RPTOR: variants seen among roughly 807,000 people sequenced by gnomAD.
RPTOR encodes the protein regulatory-associated protein of mTOR.
A neutral mutation model predicts 169.9 loss-of-function variants in RPTOR; 21 were observed. The observed-to-expected ratio is 0.12, with a 90% CI of 0.09 to 0.18. RPTOR has a LOEUF of 0.18. RPTOR is among the 10% of genes least tolerant of loss of function. The probability of loss-of-function intolerance (pLI) is 1.00; values close to 1 mark genes in which losing one functional copy is unlikely to be tolerated. For synonymous variants in RPTOR, 732 were observed against 753.2 expected, an observed-to-expected ratio of 0.97 and a Z score of 0.46; for missense variants, 1,133 against 1,855.9, an observed-to-expected ratio of 0.61 and a Z score of 7.16.
intron 26 of RPTOR, 145 bp downstream of exon 26, chr17:80,945,926 C>G: frequency 2.0e-6 from 1 of 488,720 alleles, no homozygotes; most frequent in Non-Finnish European, 3.5e-6. Flanking sequence ...TCCTGAGAAA[C>G]GGCCCTACTC....
At chr17:80,552,220 A>G (rs1274777663) in intron 1 of RPTOR, among the ~76,000 whole-genome samples, 1 of 152,198 alleles carries the variant, frequency 6.6e-6, no homozygotes, top group Non-Finnish European at 1.5e-5. Context: ...GGTGGTCTCC[A>G]TTGGCTTCCT....
At chr17:80,897,995 C>G (rs190542125) in intron 20 of RPTOR, among the ~76,000 whole-genome samples, 1 of 152,276 alleles carries the variant, frequency 6.6e-6, no homozygotes, top group East Asian at 1.9e-4. Context: ...TCCCTGTCCT[C>G]GGGGGCAATT....
chr17:80,693,022 A>G (rs2066005801), intron 3 of RPTOR, among the ~76,000 whole-genome samples: 3 of 152,224 alleles, frequency 2.0e-5, no homozygotes, highest in Admixed American at 2.0e-4. Flanking sequence ...TCTTTAGGGA[A>G]GTGCTGTATG....
At chr17:80,567,746 C>T (rs1014096490) in intron 1 of RPTOR, among the ~76,000 whole-genome samples, 1 of 151,124 alleles carries the variant, frequency 6.6e-6, no homozygotes, top group Non-Finnish European at 1.5e-5. Flanking sequence ...GAGCCGAGAT[C>T]GCGCCACTGC....
chr17:80,857,767 C>T, intron 12 of RPTOR, 23 bp from the exon 13 acceptor site: 1 of 1,579,244 alleles, frequency 6.3e-7, no homozygotes, highest in Non-Finnish European at 8.6e-7. Context: ...CACAGGTGCG[C>T]TGACGCCCTC....
At chr17:80,892,132 G>A (rs146908922) in intron 18 of RPTOR, among the ~76,000 whole-genome samples, 5 of 152,248 alleles carry the variant, frequency 3.3e-5, no homozygotes, top group East Asian at 1.9e-4. Context: ...GCGGAAAAGC[G>A]CAGGGGCCGT....
chr17:80,896,474 CAT>C (rs756993360), intron 20 of RPTOR, among the ~76,000 whole-genome samples: 2,991 of 122,532 alleles, frequency 0.024, 482 homozygotes, highest in African/African-American at 0.04. Context: ...CGCACCGACA[CAT>C]CCCACGGCCG....
Position 80,922,800 on chromosome 17 carries a change from A to G in RPTOR, c.2597A>G (p.Asn866Ser), listed in dbSNP as rs1367177424. 7.6e-6 allele frequency: 12 copies of G among 1,584,718 alleles called. No homozygotes were observed. In the Middle Eastern group the frequency reaches 5.0e-4, roughly 66 times the overall value. ...LTQSAPASPT[N>S]KGVHIHQAGG... is the part of the protein sequence containing the mutation. ...CAGTCGGCCCCCGCCAGCCCCACCA[A>G]CAAGGGCGTGCACATCCACCAGGCG... Residue 866 changes from asparagine (N) to serine (S), a missense_variant, in exon 22 of 34, where the codon AAC becomes AGC. This residue lies in a region of RPTOR where 123 missense variants were observed against 129.0 expected (regional missense o/e 0.95). Coordinates refer to ENST00000306801, the MANE Select transcript of RPTOR (RefSeq NM_020761.3).
At chr17:80,810,331 T>C (rs577798231) in intron 7 of RPTOR, among the ~76,000 whole-genome samples, 2 of 152,216 alleles carry the variant, frequency 1.3e-5, no homozygotes, top group African/African-American at 4.8e-5. Flanking sequence ...TTTTTTAATA[T>C]AGTCAAGAGT....
intron 13 of RPTOR, among the ~76,000 whole-genome samples, chr17:80,859,933 C>T (rs1020614990): frequency 2.6e-5 from 4 of 152,226 alleles, no homozygotes; most frequent in Non-Finnish European, 5.9e-5. Context: ...CACTGGGCCC[C>T]TGCGCCGGGT....
At chr17:80,634,598 G>GCA (rs2065482530) in intron 2 of RPTOR, among the ~76,000 whole-genome samples, 1 of 10,142 alleles carries the variant, frequency 9.9e-5, no homozygotes, top group Non-Finnish European at 2.0e-4. Context: ...CTGTGTGTGT[G>GCA]CGTACTGTGT....
intron 6 of RPTOR, among the ~76,000 whole-genome samples, chr17:80,777,249 G>GAAA (rs927325280): frequency 4.7e-5 from 7 of 149,534 alleles, no homozygotes; most frequent in African/African-American, 1.7e-4. Context: ...AAAAAAAAAA[G>GAAA]AAAAAAGAAA....
rs569383558 is a variant in RPTOR at position 80,837,037 on chromosome 17, C to T, written c.1137-885C>T. On this transcript the variant is annotated intron_variant, in intron 9 of 33. Transcript: ENST00000306801. ...AAGGGCTGTGGAAGCTGCAGCAGTG[C>T]GGCCCTGAAGGACGGGGTCGGGAGC... Among the ~76,000 whole-genome samples the T allele has an allele frequency of 4.6e-5, 7 of 152,198 alleles. No homozygotes were observed. In the South Asian group the frequency reaches 6.2e-4, roughly 14 times the overall value.
At position 80,959,896 on chromosome 17, in the gene RPTOR, C is replaced by T. The variant is rs569004817; in HGVS notation, c.3478-182C>T. ...ATTGTCCTGCCAGCCCCTGCCTCTC[C>T]CTGGGACTCCTGGGCTCCCCAGGCC... is the stretch of plus-strand genomic sequence containing the variant. On this transcript the variant is annotated intron_variant, in intron 29 of 33. Transcript: ENST00000306801. This position sits in a 1 kb window ranked among gnomAD's most constrained non-coding sequence, Gnocchi z 6.7. Among the ~76,000 whole-genome samples, 2 of 152,290 alleles carry T rather than the reference C, an allele frequency of 1.3e-5. No individual in the cohort carries two copies. Among genetic ancestry groups the T allele is most frequent in the Non-Finnish European group, 2.9e-5 (2 of 68,016 alleles).
At position 80,908,922 on chromosome 17, in the gene RPTOR, C is replaced by T. The variant is rs759932332; in HGVS notation, c.2513C>T (p.Ala838Val). The change falls in exon 21 of 34, where the codon GCC (alanine) becomes GTC (valine). Residue 838 changes from alanine (A) to valine (V), a missense_variant. Coordinates refer to ENST00000306801, the MANE Select transcript of RPTOR (RefSeq NM_020761.3). ...GCCATGAAAGTACTCAACAGCATCG[C>T]CTACAAGGTACGTGCCGGGCGCTCC... ...DVAMKVLNSIAYKATVNARPQ... is the reference protein window; with the variant it reads ...DVAMKVLNSIVYKATVNARPQ... 1 of 1,612,684 alleles carries T rather than the reference C, an allele frequency of 6.2e-7. No individual in the cohort carries two copies. The highest frequency in any genetic ancestry group is 8.5e-7 in the Non-Finnish European group (1 of 1,178,740).
At chr17:80,942,342 C>G (rs966480416) in intron 25 of RPTOR, among the ~76,000 whole-genome samples, 3 of 150,352 alleles carry the variant, frequency 2.0e-5, no homozygotes, top group African/African-American at 7.4e-5. Context: ...TGGCCTGGAG[C>G]CTGTGGTCAG....
At chr17:80,574,213 G>A (rs1206941453) in intron 1 of RPTOR, among the ~76,000 whole-genome samples, 7 of 145,286 alleles carry the variant, frequency 4.8e-5, no homozygotes, top group Non-Finnish European at 7.5e-5. Context: ...GCCGGACTGC[G>A]GACTGCAGTG....
At chr17:80,638,594 G>A (rs1378502687) in intron 2 of RPTOR, among the ~76,000 whole-genome samples, 1 of 151,592 alleles carries the variant, frequency 6.6e-6, no homozygotes, top group Non-Finnish European at 1.5e-5. Flanking sequence ...GTAGAGACGG[G>A]GTCTCATTTT....
chr17:80,940,501 A>G lies in RPTOR; in HGVS notation c.2925A>G (p.Pro975=), dbSNP rs145454151. Residue 975 remains proline, a synonymous_variant, in exon 25 of 34, where the codon CCA becomes CCG. Transcript: ENST00000306801. ...RYFAQPVMKI[P]EEHDLESQIR... ...GGTGTTTTCTGTTGTTGAAGATCCC[A>G]GAAGAGCACGACCTGGAGAGTCAGA... The G allele has an allele frequency of 1.6e-4, 252 of 1,613,534 alleles. 1 individual carries two copies. The African/African-American group carries it at 2.6e-3, about 17-fold the overall frequency.
Sources: allele counts gnomAD v4.1 joint callset (sites outside exome capture counted in the v4.1 genomes callset), GRCh38; gene constraint gnomAD v4.1.1; regional missense constraint gnomAD v4.1.1; non-coding constraint Gnocchi (gnomAD v3.1); transcripts MANE v1.5; gene names NCBI Gene and HGNC (gene_info 2026-07-23, HGNC 2026-07-21).